IL2RB: variants seen among roughly 807,000 people sequenced by gnomAD.
IL2RB encodes the protein interleukin-2 receptor subunit beta.
In IL2RB, 17 loss-of-function variants were observed where a neutral mutation model predicts 44.2. The observed-to-expected ratio is 0.38, with a 90% CI of 0.26 to 0.58. IL2RB has a LOEUF of 0.58. Ranked by LOEUF, IL2RB falls within the 20% of genes least tolerant of loss-of-function variation. IL2RB has a pLI of 0.63. For missense variants in IL2RB, 624 were observed against 685.5 expected, an observed-to-expected ratio of 0.91 and a Z score of 1.00; for synonymous variants, 286 against 297.9, an observed-to-expected ratio of 0.96 and a Z score of 0.41.
intron 1 of IL2RB, among the ~76,000 whole-genome samples, chr22:37,159,445 G>A (rs1358495253): frequency 6.6e-6 from 1 of 152,130 alleles, no homozygotes; most frequent in Non-Finnish European, 1.5e-5. Context: ...GAGAACAGGG[G>A]ACCCTGAACT....
chr22:37,165,578 G>A (rs1217231573), intron 1 of IL2RB, among the ~76,000 whole-genome samples: 3 of 152,218 alleles, frequency 2.0e-5, no homozygotes, highest in Non-Finnish European at 4.4e-5. Context: ...GCATGGGAAC[G>A]AATGCAATAT....
intron 1 of IL2RB, among the ~76,000 whole-genome samples, chr22:37,146,921 T>C (rs1601605120): frequency 6.7e-6 from 1 of 149,520 alleles, no homozygotes; most frequent in African/African-American, 2.5e-5. Flanking sequence ...GAGCCATGGG[T>C]TCCATCTCCT....
chr22:37,158,755 C>T lies in IL2RB; in HGVS notation c.-33-14550G>A, dbSNP rs374129393. Among the ~76,000 whole-genome samples, 7 of 152,324 alleles carry T rather than the reference C, an allele frequency of 4.6e-5. No homozygotes were observed. The East Asian group carries it at 1.3e-3, about 29-fold the overall frequency. ...AGGTGCGTGGGAGCATGTCTGTGAA[C>T]TAGCATCTACCTGCACTGAGCCACT... On this transcript the variant is annotated intron_variant, in intron 1 of 5. Coordinates refer to the IL2RB transcript ENST00000429622.
chr22:37,172,241 T>G (rs967592613), intron 1 of IL2RB, among the ~76,000 whole-genome samples: 1 of 144,310 alleles, frequency 6.9e-6, no homozygotes, highest in Admixed American at 6.8e-5. Flanking sequence ...AAAAGTGATG[T>G]TGGGGATGGA....
intron 1 of IL2RB, among the ~76,000 whole-genome samples, chr22:37,171,290 C>T (rs921738271): frequency 6.6e-6 from 1 of 152,170 alleles, no homozygotes; most frequent in Admixed American, 6.5e-5. Context: ...GCCTCACGCT[C>T]TTTCATTCAA....
chr22:37,170,706 C>T (rs760465493), intron 1 of IL2RB, among the ~76,000 whole-genome samples: 7 of 152,204 alleles, frequency 4.6e-5, no homozygotes, highest in Non-Finnish European at 7.3e-5. Context: ...CCTCACTGCA[C>T]GGGCCACACA....
At chr22:37,167,945 G>A (rs1923138498) in intron 1 of IL2RB, among the ~76,000 whole-genome samples, 1 of 152,246 alleles carries the variant, frequency 6.6e-6, no homozygotes, top group Non-Finnish European at 1.5e-5. Context: ...GGTGGCGTCT[G>A]TCCCCTTTGC....
intron 1 of IL2RB, among the ~76,000 whole-genome samples, chr22:37,161,352 T>C (rs990871227): frequency 2.6e-5 from 4 of 152,170 alleles, no homozygotes; most frequent in African/African-American, 9.7e-5. Context: ...GGATATTTAG[T>C]TTACATCTGG....
At chr22:37,134,143 C>T (rs929376880) in intron 8 of IL2RB, among the ~76,000 whole-genome samples, 12 of 152,066 alleles carry the variant, frequency 7.9e-5, no homozygotes, top group African/African-American at 2.9e-4. Flanking sequence ...AAAAAAAAAC[C>T]CTCATAGCAA....
upstream of IL2RB, among the ~76,000 whole-genome samples, chr22:37,153,060 G>A (rs555725868): frequency 5.3e-5 from 8 of 149,548 alleles, no homozygotes; most frequent in Middle Eastern, 3.5e-3. Flanking sequence ...TCGGCTTCCC[G>A]AGTAGATGGG....
chr22:37,147,611 G>A (rs766528942), intron 1 of IL2RB, among the ~76,000 whole-genome samples: 11 of 152,232 alleles, frequency 7.2e-5, no homozygotes, highest in Admixed American at 1.3e-4. Context: ...AGTAAGAGGT[G>A]GAGCTAGGGC....
intron 1 of IL2RB, among the ~76,000 whole-genome samples, chr22:37,148,222 G>A (rs1051245053): frequency 3.9e-5 from 6 of 152,216 alleles, no homozygotes; most frequent in African/African-American, 9.6e-5. Flanking sequence ...CAGAGTCCAC[G>A]GGAGGATGGT....
chr22:37,131,844 C>T (rs10854697), intron 9 of IL2RB, among the ~76,000 whole-genome samples: 1 of 151,738 alleles, frequency 6.6e-6, no homozygotes, highest in Non-Finnish European at 1.5e-5. Flanking sequence ...TCAAGCGATT[C>T]CCCTGTCTCA....
Position 37,149,014 on chromosome 22 carries a change from T to G in IL2RB, c.-34+811A>C, listed in dbSNP as rs554788355. ...TCTCTTGCTATTTAACTTCAGGGGCTTCTCCAGCTGGGTGCGGGACCCTGG... is the reference window on the plus strand; with the variant it reads ...TCTCTTGCTATTTAACTTCAGGGGCGTCTCCAGCTGGGTGCGGGACCCTGG... On this transcript the variant is annotated intron_variant, in intron 1 of 9. Coordinates refer to ENST00000216223, the MANE Select transcript of IL2RB (RefSeq NM_000878.5). 1.4e-3 allele frequency among the ~76,000 whole-genome samples: 209 copies of G among 152,242 alleles called. 1 individual carries two copies. The highest frequency in any genetic ancestry group is 3.1e-3 in the Admixed American group (47 of 15,300).
intron 9 of IL2RB, among the ~76,000 whole-genome samples, 187 bp from the exon 10 acceptor site, chr22:37,129,035 C>T (rs575325877): frequency 6.6e-6 from 1 of 152,332 alleles, no homozygotes; most frequent in African/African-American, 2.4e-5. Context: ...CTTGGGGGCC[C>T]TCTGGGCCAC....
chr22:37,160,370 C>T (rs16997838), intron 1 of IL2RB, among the ~76,000 whole-genome samples: 6,472 of 152,246 alleles, frequency 0.043, 444 homozygotes, highest in African/African-American at 0.15. Flanking sequence ...CAGTACCACG[C>T]AGCATGATCA....
intron 1 of IL2RB, among the ~76,000 whole-genome samples, chr22:37,162,716 C>A (rs1415263187): frequency 6.6e-6 from 1 of 152,084 alleles, no homozygotes; most frequent in Non-Finnish European, 1.5e-5. Flanking sequence ...AAATCCCTGA[C>A]CCCCACCCCA....
chr22:37,135,475 G>A (rs369493031), intron 7 of IL2RB, 33 bp from the exon 8 acceptor site: 52 of 1,441,866 alleles, frequency 3.6e-5, no homozygotes, highest in African/African-American at 8.4e-5. Context: ...GCAAGGAGAG[G>A]GGTTAGAGAA....
In IL2RB at chr22:37,126,717, G is replaced by A. The variant is rs1455365225; in HGVS notation, c.*1379C>T. On this transcript the variant is annotated 3_prime_UTR_variant, in exon 10 of 10. Coordinates refer to ENST00000216223, the MANE Select transcript of IL2RB (RefSeq NM_000878.5). ...TGGGACTGGGGTCACTGTCCTGCTG[G>A]GGTGGAATGTTGTTTGAGCCATTGC... 6.6e-6 allele frequency: 1 copy of A among 152,344 alleles called. No homozygotes were observed. Among genetic ancestry groups the A allele is most frequent in the Non-Finnish European group, 1.5e-5 (1 of 68,154 alleles). The allele number at this position is 152,344 out of a possible 1,614,324, so 9.4% of individuals were successfully genotyped here. A position where few individuals can be genotyped will look rare whatever the true frequency, so the allele number is the denominator to read the frequency against.
Sources: allele counts gnomAD v4.1 joint callset (sites outside exome capture counted in the v4.1 genomes callset), GRCh38; gene constraint gnomAD v4.1.1; transcripts MANE v1.5; gene names NCBI Gene and HGNC (gene_info 2026-07-23, HGNC 2026-07-21).